LRRIQ3: variants seen among roughly 807,000 people sequenced by gnomAD.
The protein encoded by LRRIQ3 is leucine rich repeats and IQ motif containing 3.
In LRRIQ3, 75 loss-of-function variants were observed where a neutral mutation model predicts 59.3. That is an observed-to-expected ratio of 1.26 (90% confidence interval 1.05 to 1.53). The LOEUF is 1.53. Ranked by LOEUF, LRRIQ3 falls within the 40% of genes most tolerant of loss-of-function variation. The pLI is 0.00. For synonymous variants in LRRIQ3, 250 were observed against 231.3 expected (o/e 1.08, Z -0.73); for missense variants, 831 against 710.0 (o/e 1.17, Z -1.94).
At chr1:74,028,997 T>A (rs1473171826) in intron 7 of LRRIQ3, among the ~76,000 whole-genome samples, 2 of 152,034 alleles carry the variant, frequency 1.3e-5, no homozygotes, top group Admixed American at 1.3e-4. Context: ...ATAAACATTA[T>A]AAGCTGTGAA....
At chr1:74,162,905 G>A (rs2100683077) in intron 3 of LRRIQ3, among the ~76,000 whole-genome samples, 1 of 151,690 alleles carries the variant, frequency 6.6e-6, no homozygotes, top group South Asian at 2.1e-4. Flanking sequence ...ATGTACATAG[G>A]AGGAATAAGT....
At chr1:74,191,628 A>G (rs1650774165) in intron 1 of LRRIQ3, among the ~76,000 whole-genome samples, 1 of 152,252 alleles carries the variant, frequency 6.6e-6, no homozygotes, top group South Asian at 2.1e-4. Context: ...CTAGATATCA[A>G]TAACAGGCAA....
chr1:74,045,785 G>A (rs1433928728), intron 6 of LRRIQ3, among the ~76,000 whole-genome samples: 2 of 152,080 alleles, frequency 1.3e-5, no homozygotes, highest in African/African-American at 2.4e-5. Context: ...AAATCAATGT[G>A]CAAAATACAC....
chr1:74,062,797 C>T (rs1049762222), intron 6 of LRRIQ3, among the ~76,000 whole-genome samples: 2 of 151,828 alleles, frequency 1.3e-5, no homozygotes, highest in African/African-American at 4.8e-5. Flanking sequence ...TATATGGATA[C>T]AATGAAGGGA....
intron 3 of LRRIQ3, chr1:74,180,829 T>C: frequency 6.5e-7 from 1 of 1,544,032 alleles, no homozygotes; most frequent in Non-Finnish European, 8.8e-7. Flanking sequence ...GAATAAATAT[T>C]CTTCAAAAAG....
At chr1:74,045,388 A>G (rs1335081681) in intron 6 of LRRIQ3, among the ~76,000 whole-genome samples, 1 of 152,222 alleles carries the variant, frequency 6.6e-6, no homozygotes, top group Non-Finnish European at 1.5e-5. Context: ...AGTTGCAGAA[A>G]AGGCCTTCGA....
At chr1:74,156,292 A>G (rs1648323101) in intron 3 of LRRIQ3, among the ~76,000 whole-genome samples, 1 of 152,190 alleles carries the variant, frequency 6.6e-6, no homozygotes, top group Non-Finnish European at 1.5e-5. Context: ...TACCAGAAAC[A>G]GATGCCAGCA....
intron 6 of LRRIQ3, among the ~76,000 whole-genome samples, chr1:74,053,751 T>C (rs896545440): frequency 6.6e-6 from 1 of 152,020 alleles, no homozygotes; most frequent in East Asian, 1.9e-4. Context: ...AATATACAGA[T>C]AGCAAGAAAG....
chr1:74,161,311 C>G (rs1438616334), intron 3 of LRRIQ3, among the ~76,000 whole-genome samples: 2 of 152,076 alleles, frequency 1.3e-5, no homozygotes, highest in African/African-American at 4.8e-5. Context: ...AAATTTTAGA[C>G]TGGCCACATT....
intron 3 of LRRIQ3, among the ~76,000 whole-genome samples, chr1:74,163,288 C>A (rs1190846590): frequency 6.6e-6 from 1 of 151,416 alleles, no homozygotes; most frequent in Non-Finnish European, 1.5e-5. Flanking sequence ...AATAGTCCCA[C>A]AAAATGGTAA....
At chr1:74,068,244 T>C (rs571579507) in intron 6 of LRRIQ3, among the ~76,000 whole-genome samples, 1 of 152,120 alleles carries the variant, frequency 6.6e-6, no homozygotes, top group Non-Finnish European at 1.5e-5. Context: ...CCTTCACAGA[T>C]AAACCCTGTA....
chr1:74,151,296 C>A lies in LRRIQ3; in HGVS notation c.707+4437G>T, dbSNP rs946769154. On this transcript the variant is annotated intron_variant, in intron 4 of 7. Coordinates refer to ENST00000354431, the MANE Select transcript of LRRIQ3 (RefSeq NM_001105659.2). ...CTGAATGATGCTTTTAACATGTAAA[C>A]ACTACTTTTTAAAGGCACTGTGGGA... 2.6e-5 allele frequency among the ~76,000 whole-genome samples: 4 copies of A among 152,078 alleles called. No individual in the cohort carries two copies. In the South Asian group the frequency reaches 8.3e-4, roughly 31 times the overall value.
intron 3 of LRRIQ3, among the ~76,000 whole-genome samples, chr1:74,157,390 G>A (rs12402231): frequency 0.31 from 47,168 of 151,782 alleles, 7,970 homozygotes; most frequent in Middle Eastern, 0.46. Flanking sequence ...TCTCATATCT[G>A]TTTTCTAAGG....
chr1:74,026,304 A>G lies in LRRIQ3; in HGVS notation c.*509T>C, dbSNP rs1016332683. 2 of 152,202 alleles carry G rather than the reference A, an allele frequency of 1.3e-5. No homozygotes were observed. The highest frequency in any genetic ancestry group is 2.4e-5 in the African/African-American group (1 of 41,442). 9.4% of individuals were successfully genotyped at this position (152,202 alleles called of 1,614,324 possible). On this transcript the variant is annotated 3_prime_UTR_variant, in exon 8 of 8. Coordinates refer to ENST00000354431, the MANE Select transcript of LRRIQ3 (RefSeq NM_001105659.2). ...ATATTTTCTGAATTTTTATAACAGC[A>G]TATATCACTGACAAAATATTGAAAC...
At chr1:74,155,986 A>T in intron 3 of LRRIQ3, 120 bp from the exon 4 acceptor site, 1 of 572,262 alleles carries the variant, frequency 1.7e-6, no homozygotes, top group South Asian at 4.4e-5. Flanking sequence ...AAGGTCTTAC[A>T]GGCATTATAG....
chr1:74,117,602 G>C (rs538993472), intron 4 of LRRIQ3, among the ~76,000 whole-genome samples: 12 of 152,098 alleles, frequency 7.9e-5, no homozygotes, highest in South Asian at 2.1e-4. Context: ...CTTGTCTCTA[G>C]TAATACTACA....
intron 4 of LRRIQ3, among the ~76,000 whole-genome samples, chr1:74,110,088 A>T (rs1339547314): frequency 1.3e-5 from 2 of 151,898 alleles, no homozygotes; most frequent in Non-Finnish European, 2.9e-5. Flanking sequence ...GGTAAGCTTA[A>T]TTTTAATACT....
chr1:74,155,002 T>C (rs967244798), intron 4 of LRRIQ3, among the ~76,000 whole-genome samples: 1 of 152,220 alleles, frequency 6.6e-6, no homozygotes, highest in African/African-American at 2.4e-5. Context: ...CATCTCATTG[T>C]GTCTATCTTA....
At chr1:74,197,908 T>C (rs764385265) in intron 1 of LRRIQ3, 88 bp downstream of exon 1, 6 of 269,352 alleles carry the variant, frequency 2.2e-5, no homozygotes, top group African/African-American at 4.4e-5. Context: ...CCGCCTTTGA[T>C]GTGAAAGCTG....
Sources: gnomAD v4.1 joint callset for allele counts (sites outside exome capture counted in the v4.1 genomes callset) on GRCh38, gnomAD v4.1.1 for gene constraint, MANE v1.5 for transcripts, NCBI Gene and HGNC (gene_info 2026-07-23, HGNC 2026-07-21) for gene names.